The following BRWD3 variants were observed in gnomAD, a reference collection of about 807,000 sequenced individuals.
BRWD3 encodes the protein bromodomain and WD repeat-containing protein 3.
A neutral mutation model predicts 149.7 loss-of-function variants in BRWD3; 10 were observed. That is an observed-to-expected ratio of 0.07 (90% confidence interval 0.04 to 0.11). The LOEUF is 0.11. Among genes scored for constraint, BRWD3 ranks in the 10% least tolerant of loss-of-function variants. The pLI, the probability that BRWD3 is intolerant of heterozygous loss-of-function variation, is 1.00. For synonymous variants in BRWD3, 504 were observed against 456.7 expected (o/e 1.10, Z -1.32); for missense variants, 940 against 1,373.2 (o/e 0.68, Z 4.99).
intron 6 of BRWD3, among the ~76,000 whole-genome samples, chrX:80,765,756 A>G (rs1328713100): frequency 1.8e-5 from 2 of 111,906 alleles, no homozygotes; most frequent in Non-Finnish European, 3.8e-5. Context: ...TATTTATGTT[A>G]CAAGCTACAG....
intron 20 of BRWD3, among the ~76,000 whole-genome samples, chrX:80,714,996 T>C (rs1185702319): frequency 8.9e-6 from 1 of 112,043 alleles, no homozygotes; most frequent in Non-Finnish European, 1.9e-5. Flanking sequence ...AACATTACTA[T>C]TGATATTCCA....
chrX:80,684,092 T>C lies in BRWD3; in HGVS notation c.4151A>G (p.Tyr1384Cys), dbSNP rs1478896270. The C allele has an allele frequency of 5.8e-6, 7 of 1,203,914 alleles. No individual in the cohort carries two copies. Among genetic ancestry groups the C allele is most frequent in the Non-Finnish European group, 7.9e-6 (7 of 890,021 alleles). ...CTTATAAAATTCCAGAGGACTACCATAGTTTCCTGCTTCCAAAGTTTCTTT... is the reference window on the plus strand; with the variant it reads ...CTTATAAAATTCCAGAGGACTACCACAGTTTCCTGCTTCCAAAGTTTCTTT... ...TVKETLEAGN[Y>C]GSPLEFYKDV... Residue 1384 changes from tyrosine (Y) to cysteine (C), a missense_variant, in exon 37 of 41, where the codon TAT becomes TGT. Tyr to Cys is a radical substitution (Grantham distance 194, BLOSUM62 -2). Transcript: ENST00000373275.
chrX:80,689,194 A>AG (rs2072577658), intron 33 of BRWD3, among the ~76,000 whole-genome samples: 1 of 111,134 alleles, frequency 9.0e-6, no homozygotes. Flanking sequence ...TTTTGTTTCT[A>AG]TCATAACCTC....
At chrX:80,703,088 C>A (rs2072813203) in intron 24 of BRWD3, among the ~76,000 whole-genome samples, 1 of 111,100 alleles carries the variant, frequency 9.0e-6, no homozygotes, top group South Asian at 3.7e-4. Flanking sequence ...GGAGTAAATA[C>A]CTTCTTGTAT....
At chrX:80,706,755 C>T (rs911033047) in intron 22 of BRWD3, among the ~76,000 whole-genome samples, 1 of 112,744 alleles carries the variant, frequency 8.9e-6, no homozygotes. Flanking sequence ...ATAAACTGAG[C>T]AAACTGGTGT....
intron 17 of BRWD3, among the ~76,000 whole-genome samples, chrX:80,720,383 G>A (rs1188431982): frequency 3.6e-5 from 4 of 111,062 alleles, no homozygotes; most frequent in Non-Finnish European, 7.5e-5. Context: ...TGTAGACCTA[G>A]GCTAATGTAT....
chrX:80,752,957 G>A (rs1212816402), intron 6 of BRWD3, among the ~76,000 whole-genome samples: 1 of 111,742 alleles, frequency 8.9e-6, no homozygotes, highest in Non-Finnish European at 1.9e-5. Flanking sequence ...GAACCACCAC[G>A]CCTGGCCGAT....
At chrX:80,710,161 A>ATCAT in intron 20 of BRWD3, 1 of 514,407 alleles carries the variant, frequency 1.9e-6, no homozygotes, top group East Asian at 3.7e-5. Flanking sequence ...ATGATGGTAA[A>ATCAT]CTGTTACGTA....
At chrX:80,717,415 G>A in intron 19 of BRWD3, 158 bp downstream of exon 19, 1 of 498,197 alleles carries the variant, frequency 2.0e-6, no homozygotes. Context: ...ATCATTATTT[G>A]TTACGAAGTG....
At chrX:80,769,763 TAGAG>T (rs1333880362) in intron 6 of BRWD3, among the ~76,000 whole-genome samples, 7 of 101,112 alleles carry the variant, frequency 6.9e-5, no homozygotes, top group Non-Finnish European at 1.2e-4. Context: ...CTGAAGGAGA[TAGAG>T]AGAGAAAAAA....
chrX:80,719,231 G>C (rs914122018), intron 18 of BRWD3, among the ~76,000 whole-genome samples: 3 of 111,154 alleles, frequency 2.7e-5, no homozygotes, highest in African/African-American at 9.8e-5. Context: ...TAAAACAAAT[G>C]TAAAGATTAC....
At chrX:80,808,471 T>C (rs2074372864) in intron 4 of BRWD3, 68 bp downstream of exon 4, 1 of 833,480 alleles carries the variant, frequency 1.2e-6, no homozygotes, top group African/African-American at 2.1e-5. Context: ...GGGGGGCGGG[T>C]TGGGGGTACA....
intron 8 of BRWD3, chrX:80,743,628 G>A (rs1304886716): frequency 8.5e-6 from 1 of 116,988 alleles, no homozygotes; most frequent in Non-Finnish European, 1.8e-5. Context: ...GTCTTGGGAG[G>A]GTGTATGTGT....
At position 80,728,902 on chromosome X, in the gene BRWD3, A is replaced by C. The variant is rs2073286687; in HGVS notation, c.1236T>G (p.Asn412Lys). ...TCTTGTCTTCTCCAGATGGCAAATT[A>C]TTGCTAAACAAAACAATTTGCAGTA... The part of the protein sequence containing the change: ...VLDMATKMTG[N>K]NLPSGEDKIT... The change falls in exon 14 of 41, where the codon AAT becomes AAG. Residue 412 changes from asparagine (N) to lysine (K), a missense_variant. Transcript: ENST00000373275. 8.3e-7 allele frequency: 1 copy of C among 1,205,386 alleles called. No individual in the cohort carries two copies. The highest frequency in any genetic ancestry group is 1.1e-6 in the Non-Finnish European group (1 of 891,225).
intron 10 of BRWD3, among the ~76,000 whole-genome samples, chrX:80,734,767 T>C (rs1415474906): frequency 9.0e-6 from 1 of 111,335 alleles, no homozygotes; most frequent in Admixed American, 9.5e-5. Flanking sequence ...GAAAGCACTG[T>C]AAAAGTGTTT....
rs2072311005 is a variant in BRWD3 at position 80,670,036 on chromosome X, T to C, written c.*6573A>G. ...TTAAAATTATAAGATTTTATAATTA[T>C]AATTAGATGTTTATAATCTGTAGAT... On this transcript the variant is annotated 3_prime_UTR_variant, in exon 41 of 41. Transcript: ENST00000373275. 1.8e-5 allele frequency among the ~76,000 whole-genome samples: 2 copies of C among 111,195 alleles called. No individual in the cohort carries two copies. Among genetic ancestry groups the C allele is most frequent in the Admixed American group, 1.9e-4 (2 of 10,413 alleles).
intron 9 of BRWD3, among the ~76,000 whole-genome samples, chrX:80,735,656 T>C (rs1443449110): frequency 9.2e-6 from 1 of 109,107 alleles, no homozygotes; most frequent in Non-Finnish European, 1.9e-5. Flanking sequence ...TACAAAAAAT[T>C]AGCCAGGCAT....
intron 14 of BRWD3, among the ~76,000 whole-genome samples, chrX:80,726,716 C>G (rs143392049): frequency 0.049 from 5,449 of 110,330 alleles, 118 homozygotes; most frequent in Non-Finnish European, 0.07. Flanking sequence ...AAAAATACAC[C>G]TTGCTGAAAG....
intron 24 of BRWD3, among the ~76,000 whole-genome samples, 171 bp from the exon 25 acceptor site, chrX:80,700,235 G>A (rs1406960037): frequency 9.4e-6 from 1 of 106,868 alleles, no homozygotes; most frequent in Non-Finnish European, 1.9e-5. Flanking sequence ...TCATGCCTAC[G>A]TAGCCCTGTG....
Sources: allele counts gnomAD v4.1 joint callset (sites outside exome capture counted in the v4.1 genomes callset), GRCh38; gene constraint gnomAD v4.1.1; transcripts MANE v1.5; gene names NCBI Gene and HGNC (gene_info 2026-07-23, HGNC 2026-07-21).